The following SGCZ variants were observed in gnomAD, a reference collection of about 807,000 sequenced individuals.
The protein encoded by SGCZ is zeta-sarcoglycan.
Under a neutral mutation model 41.3 loss-of-function variants are expected in SGCZ, and 40 were observed. That is an observed-to-expected ratio of 0.97 (90% CI 0.75 to 1.26). SGCZ has a LOEUF of 1.26. Ranked by LOEUF, SGCZ falls within the 50% of genes most tolerant of loss-of-function variation. SGCZ has a pLI of 0.00. For missense variants in SGCZ, 552 were observed against 369.8 expected, an observed-to-expected ratio of 1.49 and a Z score of -4.04; for synonymous variants, 206 against 137.5, an observed-to-expected ratio of 1.50 and a Z score of -3.49.
chr8:14,629,389 T>C (rs1045644196), intron 1 of SGCZ, among the ~76,000 whole-genome samples: 1 of 152,036 alleles, frequency 6.6e-6, no homozygotes, highest in Non-Finnish European at 1.5e-5. Flanking sequence ...AAATAAAGAA[T>C]AATGAATACA....
intron 2 of SGCZ, among the ~76,000 whole-genome samples, chr8:14,353,490 G>T (rs776120816): frequency 1.3e-5 from 2 of 152,012 alleles, no homozygotes; most frequent in African/African-American, 2.4e-5. Flanking sequence ...ATGCTTTACA[G>T]ATATTTCCAA....
At chr8:14,175,542 A>G (rs752947110) in intron 4 of SGCZ, among the ~76,000 whole-genome samples, 3 of 152,122 alleles carry the variant, frequency 2.0e-5, no homozygotes, top group Non-Finnish European at 4.4e-5. Context: ...TAAGATACAA[A>G]GTAATAGACT....
intron 1 of SGCZ, among the ~76,000 whole-genome samples, chr8:14,760,658 A>G (rs763100766): frequency 1.6e-4 from 24 of 152,230 alleles, no homozygotes; most frequent in Non-Finnish European, 2.4e-4. Context: ...TCAAATTTCA[A>G]TAAAATCTTG....
At chr8:14,143,305 G>A (rs1803427588) in intron 5 of SGCZ, among the ~76,000 whole-genome samples, 2 of 152,042 alleles carry the variant, frequency 1.3e-5, no homozygotes, top group African/African-American at 4.8e-5. Flanking sequence ...ATAGCACTTG[G>A]ATTTCTAACC....
intron 2 of SGCZ, among the ~76,000 whole-genome samples, chr8:14,443,728 T>C (rs1327505612): frequency 1.3e-5 from 2 of 152,136 alleles, no homozygotes; most frequent in African/African-American, 2.4e-5. Flanking sequence ...ACCTAGGCAT[T>C]ACCATTCAGG....
At chr8:14,926,309 T>C (rs765462516) in intron 1 of SGCZ, among the ~76,000 whole-genome samples, 1 of 152,206 alleles carries the variant, frequency 6.6e-6, no homozygotes, top group African/African-American at 2.4e-5. Context: ...TCATGTTTCA[T>C]TTGCACAAAT....
chr8:14,466,847 A>G (rs1361094629), intron 2 of SGCZ, among the ~76,000 whole-genome samples: 1 of 151,710 alleles, frequency 6.6e-6, no homozygotes, highest in Non-Finnish European at 1.5e-5. Flanking sequence ...TTTTGTTTAT[A>G]CATTGTTTTC....
intron 6 of SGCZ, among the ~76,000 whole-genome samples, chr8:14,104,297 C>G (rs1479018833): frequency 6.6e-6 from 1 of 152,070 alleles, no homozygotes; most frequent in East Asian, 1.9e-4. Flanking sequence ...ACAGTGGGTA[C>G]CTGGGATTAT....
intron 1 of SGCZ, among the ~76,000 whole-genome samples, chr8:14,880,607 G>A (rs1316309755): frequency 6.6e-6 from 1 of 152,168 alleles, no homozygotes; most frequent in African/African-American, 2.4e-5. Context: ...TATACACCAT[G>A]TGATACTATG....
At chr8:14,356,477 G>A (rs1313246694) in intron 2 of SGCZ, among the ~76,000 whole-genome samples, 1 of 152,034 alleles carries the variant, frequency 6.6e-6, no homozygotes, top group African/African-American at 2.4e-5. Flanking sequence ...ATAACATGAG[G>A]AAGAAATAAT....
intron 1 of SGCZ, among the ~76,000 whole-genome samples, chr8:14,733,695 A>T (rs1030921134): frequency 6.6e-6 from 1 of 152,196 alleles, no homozygotes; most frequent in Non-Finnish European, 1.5e-5. Flanking sequence ...ATGTACATCA[A>T]TGCAGCTATG....
intron 5 of SGCZ, among the ~76,000 whole-genome samples, chr8:14,149,002 C>T (rs1215138968): frequency 6.6e-6 from 1 of 152,032 alleles, no homozygotes; most frequent in Non-Finnish European, 1.5e-5. Flanking sequence ...ATGATAAAAA[C>T]CCCCAAAAAC....
intron 1 of SGCZ, among the ~76,000 whole-genome samples, chr8:14,654,289 G>C (rs1807491785): frequency 6.6e-6 from 1 of 151,658 alleles, no homozygotes; most frequent in Admixed American, 6.6e-5. Flanking sequence ...GCCCACCTCG[G>C]GAGGAATCCC....
chr8:14,956,274 G>T (rs922057396), intron 1 of SGCZ, among the ~76,000 whole-genome samples: 1 of 151,820 alleles, frequency 6.6e-6, no homozygotes, highest in African/African-American at 2.4e-5. Flanking sequence ...TCTTGACCTC[G>T]TGATCCGCCT....
intron 4 of SGCZ, among the ~76,000 whole-genome samples, chr8:14,178,082 C>G (rs1284779883): frequency 1.3e-5 from 2 of 151,128 alleles, no homozygotes; most frequent in African/African-American, 4.9e-5. Flanking sequence ...CTCAGCCTCC[C>G]TAGTAACTGA....
At chr8:14,846,071 T>C (rs1415864782) in intron 1 of SGCZ, among the ~76,000 whole-genome samples, 1 of 152,082 alleles carries the variant, frequency 6.6e-6, no homozygotes, top group Non-Finnish European at 1.5e-5. Flanking sequence ...TAGACAAATA[T>C]ATAATTATAG....
chr8:14,834,097 A>T (rs1802618108), intron 1 of SGCZ, among the ~76,000 whole-genome samples: 1 of 152,180 alleles, frequency 6.6e-6, no homozygotes, highest in African/African-American at 2.4e-5. Flanking sequence ...AAATAAATTG[A>T]AAAGGGCTTT....
chr8:14,349,860 G>A (rs1252205331), intron 2 of SGCZ, among the ~76,000 whole-genome samples: 1 of 152,204 alleles, frequency 6.6e-6, no homozygotes, highest in South Asian at 2.1e-4. Context: ...AAATAAGTTA[G>A]AAATCATATA....
At chr8:14,709,535 C>T (rs1809445756) in intron 1 of SGCZ, among the ~76,000 whole-genome samples, 1 of 152,076 alleles carries the variant, frequency 6.6e-6, no homozygotes, top group African/African-American at 2.4e-5. Flanking sequence ...AGAATTCAGT[C>T]AATAGGTTTG....
Sources: gnomAD v4.1 joint callset for allele counts (sites outside exome capture counted in the v4.1 genomes callset) on GRCh38, gnomAD v4.1.1 for gene constraint, MANE v1.5 for transcripts, NCBI Gene and HGNC (gene_info 2026-07-23, HGNC 2026-07-21) for gene names.